Variants in PDE4D observed in about 807,000 individuals in gnomAD.
The protein encoded by PDE4D is phosphodiesterase 4D.
Under a neutral mutation model 87.4 loss-of-function variants are expected in PDE4D, and 24 were observed. That is an observed-to-expected ratio of 0.27 (90% CI 0.20 to 0.39). PDE4D has a LOEUF of 0.39. Ranked by LOEUF, PDE4D falls within the 10% of genes least tolerant of loss-of-function variation. PDE4D has a pLI of 1.00. For missense variants in PDE4D, 714 were observed against 1,041.0 expected, an observed-to-expected ratio of 0.69 and a Z score of 4.32; for synonymous variants, 384 against 383.2, an observed-to-expected ratio of 1.00 and a Z score of -0.02.
At chr5:59,962,872 C>T (rs1759625701) in intron 3 of PDE4D, among the ~76,000 whole-genome samples, 1 of 152,038 alleles carries the variant, frequency 6.6e-6, no homozygotes, top group Non-Finnish European at 1.5e-5. Context: ...TTGTATTGGG[C>T]TTGTATTATA....
chr5:59,397,829 G>A (rs200791409), intron 1 of PDE4D, among the ~76,000 whole-genome samples: 10 of 114,528 alleles, frequency 8.7e-5, no homozygotes, highest in South Asian at 2.9e-4. Context: ...TTGATAGACC[G>A]CTAGCAAGAC....
intron 1 of PDE4D, among the ~76,000 whole-genome samples, chr5:60,379,658 G>A (rs762249598): frequency 2.0e-5 from 3 of 152,124 alleles, no homozygotes; most frequent in Non-Finnish European, 2.9e-5. Context: ...GGGGCCTACA[G>A]GTTCTTTGTA....
At chr5:59,237,147 A>C (rs1429574250) in intron 1 of PDE4D, among the ~76,000 whole-genome samples, 26 of 152,274 alleles carry the variant, frequency 1.7e-4, no homozygotes, top group Non-Finnish European at 5.9e-5. Context: ...GTAGTAAGAA[A>C]TGTGTAATAT....
rs137878707 is a variant in PDE4D, at chr5:59,701,567, C to T, written c.455+191601G>A. ...AAATGTAAGCACAATGGAGAAAATG[C>T]CATTCCTTAGAATTCAAGAATGAGT... On this transcript the variant is annotated intron_variant, in intron 1 of 14. Transcript: ENST00000340635. 1.8e-3 allele frequency among the ~76,000 whole-genome samples: 279 copies of T among 152,250 alleles called. 4 individuals carry two copies. The highest frequency in any genetic ancestry group is 6.4e-3 in the African/African-American group (265 of 41,546).
intron 2 of PDE4D, among the ~76,000 whole-genome samples, chr5:60,074,994 G>C (rs1019867006): frequency 6.6e-6 from 1 of 152,036 alleles, no homozygotes; most frequent in Non-Finnish European, 1.5e-5. Context: ...GAGCATTTAG[G>C]ACATTTACCT....
intron 2 of PDE4D, among the ~76,000 whole-genome samples, chr5:60,108,193 C>T (rs999833408): frequency 2.6e-5 from 4 of 151,726 alleles, no homozygotes; most frequent in Admixed American, 6.6e-5. Flanking sequence ...ACAAAAATCA[C>T]AAGCATTCTT....
At chr5:60,284,698 TC>T (rs1752252575) in intron 1 of PDE4D, among the ~76,000 whole-genome samples, 1 of 152,116 alleles carries the variant, frequency 6.6e-6, no homozygotes, top group Non-Finnish European at 1.5e-5. Flanking sequence ...TCACCTTTCA[TC>T]CCCACTTTAA....
chr5:59,974,936 C>A (rs1373776252), intron 3 of PDE4D, among the ~76,000 whole-genome samples: 1 of 152,162 alleles, frequency 6.6e-6, no homozygotes, highest in Non-Finnish European at 1.5e-5. Context: ...CCTAACCTCT[C>A]TCAAATTTGA....
At chr5:59,588,854 AT>A (rs1199132292) in intron 1 of PDE4D, among the ~76,000 whole-genome samples, 1 of 152,200 alleles carries the variant, frequency 6.6e-6, no homozygotes, top group East Asian at 1.9e-4. Flanking sequence ...AAGGGACTAA[AT>A]CTCTTCCATA....
chr5:60,110,714 C>A (rs535940441), intron 2 of PDE4D, among the ~76,000 whole-genome samples: 5 of 151,956 alleles, frequency 3.3e-5, no homozygotes, highest in African/African-American at 1.2e-4. Context: ...ATGTTTATTG[C>A]GGCACTACTT....
chr5:60,118,666 C>T (rs1778389250), intron 2 of PDE4D, among the ~76,000 whole-genome samples: 1 of 151,140 alleles, frequency 6.6e-6, no homozygotes, highest in Non-Finnish European at 1.5e-5. Flanking sequence ...AATTGAAATT[C>T]CACCTCTTAC....
At chr5:60,433,807 GAACT>G (rs1744550599) in intron 1 of PDE4D, among the ~76,000 whole-genome samples, 1 of 152,180 alleles carries the variant, frequency 6.6e-6, no homozygotes, top group African/African-American at 2.4e-5. Flanking sequence ...TATCCTAAGA[GAACT>G]AACACAGGAA....
chr5:59,401,108 C>T (rs1316615829), intron 1 of PDE4D, among the ~76,000 whole-genome samples: 2 of 149,518 alleles, frequency 1.3e-5, no homozygotes, highest in African/African-American at 5.1e-5. Context: ...TGTAAAATTA[C>T]CTTCAGGCTA....
chr5:59,279,711 A>G (rs912212237), intron 1 of PDE4D, among the ~76,000 whole-genome samples: 19 of 152,084 alleles, frequency 1.2e-4, no homozygotes, highest in Non-Finnish European at 1.5e-5. Flanking sequence ...ACATAAAGAA[A>G]GTCAACAATT....
At position 58,991,892 on chromosome 5, in the gene PDE4D, C is replaced by T. The variant is rs375921209; in HGVS notation, c.1128G>A (p.Leu376=). ...CAAACCTTGGGATACTTGAATTAGTCAGACTAGAGCTGTGCATCAATTTCT... is the reference window on the plus strand; with the variant it reads ...CAAACCTTGGGATACTTGAATTAGTTAGACTAGAGCTGTGCATCAATTTCT... The part of the protein sequence containing the change: ...GVKKLMHSSS[L]TNSSIPRFGV... The change falls in exon 8 of 15, where the codon CTG becomes CTA. Residue 376 remains leucine (L), a synonymous_variant. Transcript: ENST00000340635. 13 of 1,583,256 alleles carry T rather than the reference C, an allele frequency of 8.2e-6. No homozygotes were observed. The African/African-American group carries it at 1.2e-4, about 15-fold the overall frequency.
At chr5:60,345,955 T>G (rs1415919225) in intron 1 of PDE4D, among the ~76,000 whole-genome samples, 1 of 151,786 alleles carries the variant, frequency 6.6e-6, no homozygotes, top group Non-Finnish European at 1.5e-5. Context: ...ATGTTCATAG[T>G]CTCTTAACAA....
chr5:60,343,713 G>T (rs887773570), intron 1 of PDE4D, among the ~76,000 whole-genome samples: 4 of 152,084 alleles, frequency 2.6e-5, no homozygotes, highest in Non-Finnish European at 4.4e-5. Context: ...CTCTCTCGGT[G>T]CCTTGAGCAG....
chr5:59,446,602 T>A (rs192939542), intron 1 of PDE4D, among the ~76,000 whole-genome samples: 1 of 152,220 alleles, frequency 6.6e-6, no homozygotes, highest in African/African-American at 2.4e-5. Context: ...TTGTCATCAA[T>A]GAATTTCAAA....
chr5:59,475,020 TA>T lies in PDE4D; in HGVS notation c.456-259053del, dbSNP rs147093950. Among the ~76,000 whole-genome samples, 382 of 151,950 alleles carry T rather than the reference TA, an allele frequency of 2.5e-3. 10 individuals carry two copies. Among genetic ancestry groups the T allele is most frequent in the East Asian group, 0.018 (94 of 5,156 alleles). ...AACCAATATAATTTTGAGTTGGAAG[TA>T]AGAGAAAATAAAGGAATCTTCAAGT... On this transcript the variant is annotated intron_variant, in intron 1 of 14. Transcript: ENST00000340635.
Sources: gnomAD v4.1 joint callset for allele counts (sites outside exome capture counted in the v4.1 genomes callset) on GRCh38, gnomAD v4.1.1 for gene constraint, MANE v1.5 for transcripts, NCBI Gene and HGNC (gene_info 2026-07-23, HGNC 2026-07-21) for gene names.